The following SLC8A3 variants were observed in gnomAD, a reference collection of about 807,000 sequenced individuals.
SLC8A3 encodes the protein solute carrier family 8 member A3.
In SLC8A3, 37 loss-of-function variants were observed where a neutral mutation model predicts 65.4. The ratio of observed to expected loss-of-function variants is 0.57; its 90% CI spans 0.44 to 0.74. SLC8A3 has a LOEUF of 0.74. Ranked by LOEUF, SLC8A3 falls within the 30% of genes least tolerant of loss-of-function variation. The pLI is 0.00. For missense variants in SLC8A3, 1,112 were observed against 1,172.1 expected (o/e 0.95, Z 0.75); for synonymous variants, 461 against 444.5 (o/e 1.04, Z -0.47).
At chr14:70,113,203 G>GTACT (rs1310452352) in intron 2 of SLC8A3, among the ~76,000 whole-genome samples, 1 of 152,124 alleles carries the variant, frequency 6.6e-6, no homozygotes, top group Non-Finnish European at 1.5e-5. Context: ...ATCATAGAGT[G>GTACT]TACTTACCCA....
chr14:70,075,189 G>T (rs1007766224), intron 2 of SLC8A3, among the ~76,000 whole-genome samples: 4 of 152,006 alleles, frequency 2.6e-5, no homozygotes, highest in African/African-American at 9.7e-5. Context: ...TATAACTAGG[G>T]CTTTTAGTTC....
rs1377926044 is a variant in SLC8A3, at chr14:70,166,841, G to A, written c.1582C>T (p.His528Tyr). Reference sequence around the variant, plus strand: ...CATTCAAAAGTGAAGATGCCTGCATGGTCATCATCCAAGATGGTAACTGTG... The same window carrying A: ...CATTCAAAAGTGAAGATGCCTGCATAGTCATCATCCAAGATGGTAACTGTG... ...VATVTILDDD[H>Y]AGIFTFECDT... Residue 528 changes from histidine to tyrosine, a missense_variant, in exon 2 of 7, where the codon CAT (histidine) becomes TAT (tyrosine). By Grantham distance (83) the His-to-Tyr change is moderately conservative (BLOSUM62 2). Transcript: ENST00000356921. 1.2e-6 allele frequency: 2 copies of A among 1,613,942 alleles called. No homozygotes were observed. Among genetic ancestry groups the A allele is most frequent in the Admixed American group, 3.3e-5 (2 of 60,018 alleles).
At chr14:70,121,539 G>A (rs1339439289) in intron 2 of SLC8A3, among the ~76,000 whole-genome samples, 1 of 152,130 alleles carries the variant, frequency 6.6e-6, no homozygotes, top group African/African-American at 2.4e-5. Context: ...CTCAGTTTCT[G>A]TATATTTAGC....
At position 70,052,223 on chromosome 14, in the gene SLC8A3, G is replaced by A. The variant is rs931040095; in HGVS notation, c.1889-109C>T. ...TGGGTACAAAGCAAATAACTCTTGGGAATGGGGAGTTTATATATATTTTTA... is the reference window on the plus strand; with the variant it reads ...TGGGTACAAAGCAAATAACTCTTGGAAATGGGGAGTTTATATATATTTTTA... On this transcript the variant is annotated intron_variant, in intron 3 of 6. Transcript: ENST00000356921. 12 of 1,340,478 alleles carry A rather than the reference G, an allele frequency of 9.0e-6. No individual in the cohort carries two copies. In the African/African-American group the frequency reaches 1.7e-4, roughly 18 times the overall value. The allele number at this position is 1,340,478 out of a possible 1,614,324, so 83.0% of individuals were successfully genotyped here.
chr14:70,088,935 C>T (rs992353218), intron 2 of SLC8A3, among the ~76,000 whole-genome samples: 7 of 152,170 alleles, frequency 4.6e-5, no homozygotes, highest in South Asian at 2.1e-4. Context: ...CTAAAACTCT[C>T]ATATATTGGC....
chr14:70,060,983 G>C, intron 2 of SLC8A3, 44 bp from the exon 3 acceptor site: 1 of 888,686 alleles, frequency 1.1e-6, no homozygotes, highest in East Asian at 2.4e-5. Flanking sequence ...TGGGTCGGTA[G>C]ATTGGTTGGT....
intron 2 of SLC8A3, among the ~76,000 whole-genome samples, chr14:70,094,629 T>G (rs943322596): frequency 6.6e-6 from 1 of 152,208 alleles, no homozygotes; most frequent in African/African-American, 2.4e-5. Context: ...CTTCCCAGCA[T>G]GGGGACATTG....
chr14:70,160,033 A>C (rs927582382), intron 2 of SLC8A3, among the ~76,000 whole-genome samples: 17 of 152,242 alleles, frequency 1.1e-4, no homozygotes, highest in African/African-American at 4.1e-4. Flanking sequence ...AAAAAATAAA[A>C]CATAAAAAAG....
At chr14:70,144,013 C>T (rs553330371) in intron 2 of SLC8A3, among the ~76,000 whole-genome samples, 42 of 152,256 alleles carry the variant, frequency 2.8e-4, no homozygotes, top group Non-Finnish European at 4.9e-4. Flanking sequence ...CAGTACTGAT[C>T]TCATGGCTTC....
At chr14:70,146,950 G>C (rs189033051) in intron 2 of SLC8A3, among the ~76,000 whole-genome samples, 1 of 152,158 alleles carries the variant, frequency 6.6e-6, no homozygotes, top group East Asian at 1.9e-4. Flanking sequence ...AAAGTGTCTT[G>C]AAGCAGAAAC....
Position 70,167,084 on chromosome 14 carries a change from C to A in SLC8A3, c.1339G>T (p.Glu447Ter). 1 of 1,614,128 alleles carries A rather than the reference C, an allele frequency of 6.2e-7. No homozygotes were observed. Among genetic ancestry groups the A allele is most frequent in the Non-Finnish European group, 8.5e-7 (1 of 1,180,038 alleles). ...AGAACCACCGTGCCCTCTGTGAACT[C>A]ATAGTCAGCCCCTGCATTGGCAGAA... is the stretch of plus-strand genomic sequence containing the variant. Reference protein sequence around the residue: ...DGSANAGADYEFTEGTVVLKP... With the variant: ...DGSANAGADY Residue 447 changes from glutamate (E) to a stop codon, truncating the protein, a stop_gained, in exon 2 of 7, where the codon GAG becomes TAG. Coordinates refer to ENST00000356921, the MANE Select transcript of SLC8A3 (RefSeq NM_182932.3). LOFTEE classifies it high-confidence loss of function.
intron 2 of SLC8A3, among the ~76,000 whole-genome samples, chr14:70,089,314 C>T (rs374981632): frequency 5.3e-5 from 8 of 152,154 alleles, no homozygotes; most frequent in East Asian, 1.9e-4. Context: ...ATACTAAATA[C>T]TCAATTGAAA....
At chr14:70,120,746 T>C (rs1208559008) in intron 2 of SLC8A3, among the ~76,000 whole-genome samples, 1 of 152,222 alleles carries the variant, frequency 6.6e-6, no homozygotes, top group Non-Finnish European at 1.5e-5. Context: ...GACTAAAGAA[T>C]CTTAAAGGAT....
At chr14:70,144,307 T>TG (rs1491463358) in intron 2 of SLC8A3, among the ~76,000 whole-genome samples, 6 of 39,972 alleles carry the variant, frequency 1.5e-4, no homozygotes, top group African/African-American at 7.1e-4. Context: ...GAAAACTTCC[T>TG]GTTTTTTTTT....
intron 2 of SLC8A3, among the ~76,000 whole-genome samples, chr14:70,078,066 T>C (rs184276187): frequency 5.6e-4 from 85 of 152,352 alleles, no homozygotes; most frequent in African/African-American, 1.9e-3. Context: ...GATCCCTTGG[T>C]TAAAAACATG....
At chr14:70,056,679 T>C (rs1888158086) in intron 3 of SLC8A3, among the ~76,000 whole-genome samples, 2 of 152,190 alleles carry the variant, frequency 1.3e-5, no homozygotes, top group Admixed American at 1.3e-4. Context: ...GGGTGATTTT[T>C]CTGTTTCAGA....
chr14:70,046,369 G>A lies in SLC8A3; in HGVS notation c.2390-46C>T. On this transcript the variant is annotated intron_variant, in intron 6 of 6. Coordinates refer to ENST00000356921, the MANE Select transcript of SLC8A3 (RefSeq NM_182932.3). This position sits in a 1 kb window ranked among gnomAD's most constrained non-coding sequence, Gnocchi z 4.2. ...ATGGGAACTGGTAGGAGGCTAAGGT[G>A]TGCAGGGCTTGTCTTCCAGTATGCC... 6.5e-7 allele frequency: 1 copy of A among 1,539,314 alleles called. No homozygotes were observed. Among genetic ancestry groups the A allele is most frequent in the East Asian group, 2.3e-5 (1 of 44,136 alleles).
At chr14:70,083,263 A>G (rs1891191365) in intron 2 of SLC8A3, among the ~76,000 whole-genome samples, 1 of 152,172 alleles carries the variant, frequency 6.6e-6, no homozygotes. Flanking sequence ...AGAGCTCTTT[A>G]CAGTGGACAA....
intron 2 of SLC8A3, among the ~76,000 whole-genome samples, chr14:70,082,002 T>G (rs1039850446): frequency 6.6e-6 from 1 of 152,216 alleles, no homozygotes; most frequent in African/African-American, 2.4e-5. Flanking sequence ...TACATACATT[T>G]AATCCTTCTC....
Sources: allele counts gnomAD v4.1 joint callset (sites outside exome capture counted in the v4.1 genomes callset), GRCh38; gene constraint gnomAD v4.1.1; non-coding constraint Gnocchi (gnomAD v3.1); transcripts MANE v1.5; gene names NCBI Gene and HGNC (gene_info 2026-07-23, HGNC 2026-07-21).